Variants in OTOG observed in about 807,000 individuals in gnomAD.
OTOG encodes otogelin.
In OTOG, 296 loss-of-function variants were observed where a neutral mutation model predicts 313.8. The observed-to-expected ratio is 0.94, with a 90% confidence interval of 0.86 to 1.04. OTOG has a LOEUF of 1.04. Among genes scored for constraint, OTOG ranks in the 50% least tolerant of loss-of-function variants. The pLI, the probability that OTOG is intolerant of heterozygous loss-of-function variation, is 0.00. For synonymous variants in OTOG, 1,533 were observed against 1,554.9 expected, an observed-to-expected ratio of 0.99 and a Z score of 0.33; for missense variants, 3,948 against 3,840.1, an observed-to-expected ratio of 1.03 and a Z score of -0.74.
intron 39 of OTOG, among the ~76,000 whole-genome samples, chr11:17,627,101 C>T (rs1345426624): frequency 1.3e-5 from 2 of 152,072 alleles, no homozygotes; most frequent in Non-Finnish European, 2.9e-5. Flanking sequence ...AATTTCAATG[C>T]CCTTCATTTC....
At chr11:17,602,483 G>C in intron 32 of OTOG, 106 bp downstream of exon 32, 2 of 1,295,460 alleles carry the variant, frequency 1.5e-6, no homozygotes, top group Non-Finnish European at 2.1e-6. Context: ...GGAGAAATAG[G>C]GGCTCCGACA....
chr11:17,558,904 C>A (rs1446341874), intron 10 of OTOG, 148 bp from the exon 11 acceptor site: 7 of 741,654 alleles, frequency 9.4e-6, no homozygotes, highest in Admixed American at 2.1e-5. Context: ...GTCTAGGGAT[C>A]TGTTCACCTA....
At chr11:17,550,106 T>G (rs1851901804) in intron 3 of OTOG, among the ~76,000 whole-genome samples, 1 of 152,228 alleles carries the variant, frequency 6.6e-6, no homozygotes, top group Non-Finnish European at 1.5e-5. Flanking sequence ...CCTTTTCAAT[T>G]ATTATTATAG....
intron 1 of OTOG, among the ~76,000 whole-genome samples, chr11:17,547,710 G>C (rs1851840122): frequency 6.6e-6 from 1 of 152,096 alleles, no homozygotes; most frequent in Admixed American, 6.5e-5. Flanking sequence ...TGGGGAACTA[G>C]AGAGAGCTGG....
At position 17,616,021 on chromosome 11, in the gene OTOG, T is replaced by C. The variant is rs540404936; in HGVS notation, c.6528+2320T>C. 1.1e-4 allele frequency among the ~76,000 whole-genome samples: 16 copies of C among 152,340 alleles called. No homozygotes were observed. In the South Asian group the frequency reaches 3.3e-3, roughly 32 times the overall value. ...TGATGCTACAGTGTCTTGATTACCA[T>C]TACTTATTATTAAACCTTAAAATTA... On this transcript the variant is annotated intron_variant, in intron 39 of 55. Coordinates refer to ENST00000399397, the MANE Select transcript of OTOG (RefSeq NM_001292063.2).
intron 40 of OTOG, 98 bp from the exon 41 acceptor site, chr11:17,631,604 T>A (rs1305246896): frequency 1.0e-6 from 1 of 980,558 alleles, no homozygotes; most frequent in Non-Finnish European, 1.5e-6. Flanking sequence ...ATGGTATTAT[T>A]GACCTCAAAG....
At chr11:17,592,104 G>A (rs1684486044) in intron 25 of OTOG, among the ~76,000 whole-genome samples, 1 of 152,110 alleles carries the variant, frequency 6.6e-6, no homozygotes, top group Non-Finnish European at 1.5e-5. Flanking sequence ...GGAGTCACAG[G>A]TTATAATTTT....
At chr11:17,553,968 A>G (rs1007258475) in intron 6 of OTOG, among the ~76,000 whole-genome samples, 3 of 152,230 alleles carry the variant, frequency 2.0e-5, no homozygotes, top group Non-Finnish European at 4.4e-5. Context: ...GTTTATTCGG[A>G]AGGATGGTGA....
intron 15 of OTOG, among the ~76,000 whole-genome samples, chr11:17,567,906 TC>T (rs1852321406): frequency 6.9e-6 from 1 of 144,956 alleles, no homozygotes; most frequent in African/African-American, 2.5e-5. Flanking sequence ...TCTTTTCTTT[TC>T]TTTTCTTTTC....
In OTOG at chr11:17,600,681, T is replaced by C. The variant is rs58709043; in HGVS notation, c.3709+984T>C. 4.3e-3 allele frequency among the ~76,000 whole-genome samples: 659 copies of C among 152,180 alleles called. 4 individuals are homozygous for C. Among genetic ancestry groups the C allele is most frequent in the African/African-American group, 0.015 (602 of 41,512 alleles). ...GCTCTTGACAGCCCCAGACCTTCAA[T>C]TGGTAAAGGAATGAGCCTGCAATGG... is the stretch of plus-strand genomic sequence containing the variant. On this transcript the variant is annotated intron_variant, in intron 31 of 55. Transcript: ENST00000399397.
In OTOG at chr11:17,610,132, C is replaced by G. The variant is rs1168679683; in HGVS notation, c.4832C>G (p.Pro1611Arg). The G allele has an allele frequency of 1.2e-5, 18 of 1,550,524 alleles. No homozygotes were observed. In the Admixed American group the frequency reaches 1.2e-4, roughly 10 times the overall value. ...GTCTCCTCCCGGTCGCCCCCTGCCC[C>G]TCGCTTCCCGCTCATGACCAAGGCT... ...ITVSSRSPPA[P>R]RFPLMTKAVT... The change falls in exon 36 of 56, where the codon CCT (proline) becomes CGT (arginine). Residue 1611 changes from proline to arginine, a missense_variant. Coordinates refer to ENST00000399397, the MANE Select transcript of OTOG (RefSeq NM_001292063.2).
At chr11:17,644,309 G>A (rs1210122294) in intron 54 of OTOG, among the ~76,000 whole-genome samples, 2 of 152,388 alleles carry the variant, frequency 1.3e-5, no homozygotes, top group Non-Finnish European at 2.9e-5. Context: ...CCTGCCTCCT[G>A]GAGCAGAGAG....
At chr11:17,617,196 T>C (rs1853742621) in intron 39 of OTOG, among the ~76,000 whole-genome samples, 1 of 152,222 alleles carries the variant, frequency 6.6e-6, no homozygotes, top group Admixed American at 6.5e-5. Flanking sequence ...CTTCCTGGAA[T>C]TTACTTCATT....
intron 35 of OTOG, 42 bp downstream of exon 35, chr11:17,609,251 T>C: frequency 6.6e-7 from 1 of 1,518,420 alleles, no homozygotes; most frequent in East Asian, 2.5e-5. Context: ...AGATTTCCTC[T>C]AAGTCCCTAG....
At chr11:17,592,855 C>T (rs960416812) in intron 25 of OTOG, among the ~76,000 whole-genome samples, 2 of 152,192 alleles carry the variant, frequency 1.3e-5, no homozygotes, top group East Asian at 3.8e-4. Flanking sequence ...TCAATGCCAG[C>T]AAATTCCCCT....
intron 18 of OTOG, among the ~76,000 whole-genome samples, chr11:17,572,735 G>C (rs1303082364): frequency 6.6e-6 from 1 of 152,168 alleles, no homozygotes. Flanking sequence ...TCAAATTGCA[G>C]TTGCCCCTCC....
rs985581537 is a variant in OTOG at position 17,558,620 on chromosome 11, C to T, written c.1079C>T (p.Ala360Val). ...HAYVSPLPFT[A>V]SCTSDLCQSM... is the part of the protein sequence containing the mutation. ...TACGTCAGCCCTCTGCCCTTCACAG[C>T]CAGTTGTACCAGTGATCTCTGCCAG... The change falls in exon 10 of 56, where the codon GCC becomes GTC. Residue 360 changes from alanine (A) to valine (V), a missense_variant. Physicochemically the swap from Ala to Val is moderately conservative, Grantham distance 64. Transcript: ENST00000399397. 2 of 1,550,110 alleles carry T rather than the reference C, an allele frequency of 1.3e-6. No homozygotes were observed. The highest frequency in any genetic ancestry group is 1.7e-6 in the Non-Finnish European group (2 of 1,147,008).
chr11:17,565,795 C>T (rs948561697), intron 15 of OTOG, among the ~76,000 whole-genome samples: 1 of 152,062 alleles, frequency 6.6e-6, no homozygotes, highest in Non-Finnish European at 1.5e-5. Context: ...CTTTGACATA[C>T]CTTCATTATT....
chr11:17,591,494 C>A lies in OTOG; in HGVS notation c.2912C>A (p.Ala971Asp), dbSNP rs569868611. The A allele has an allele frequency of 1.3e-6, 2 of 1,550,712 alleles. No individual in the cohort carries two copies. The highest frequency in any genetic ancestry group is 2.7e-5 in the African/African-American group (2 of 73,178). Reference sequence around the variant, plus strand: ...TTCCAGTGCACCCTGCACCCTTGCGCCTCCACCTGCACTGCCTATGGGGAC... The same window carrying A: ...TTCCAGTGCACCCTGCACCCTTGCGACTCCACCTGCACTGCCTATGGGGAC... ...GSFQCTLHPC[A>D]STCTAYGDRH... Residue 971 changes from alanine (A) to aspartate (D), a missense_variant, in exon 25 of 56, where the codon GCC (alanine) becomes GAC (aspartate). Coordinates refer to ENST00000399397, the MANE Select transcript of OTOG (RefSeq NM_001292063.2).
Sources: allele counts gnomAD v4.1 joint callset (sites outside exome capture counted in the v4.1 genomes callset), GRCh38; gene constraint gnomAD v4.1.1; transcripts MANE v1.5; gene names NCBI Gene and HGNC (gene_info 2026-07-23, HGNC 2026-07-21).